Variants in UNC5D observed in about 807,000 individuals in gnomAD.
UNC5D encodes netrin receptor UNC5D.
UNC5D carries 39 observed loss-of-function variants against 105.4 expected under a neutral mutation model. The observed-to-expected ratio is 0.37, with a 90% CI of 0.29 to 0.48. UNC5D has a LOEUF of 0.48. UNC5D is among the 20% of genes least tolerant of loss of function. UNC5D has a pLI of 0.98. For synonymous variants in UNC5D, 452 were observed against 450.4 expected (o/e 1.00, Z -0.04); for missense variants, 991 against 1,202.4 (o/e 0.82, Z 2.60).
At chr8:35,635,418 G>A (rs77678684) in intron 4 of UNC5D, among the ~76,000 whole-genome samples, 2 of 152,150 alleles carry the variant, frequency 1.3e-5, no homozygotes, top group Non-Finnish European at 2.9e-5. Context: ...TGCTTTTCCT[G>A]TCACTTGTCC....
In UNC5D at chr8:35,262,023, G is replaced by A. The variant is rs79700888; in HGVS notation, c.103+26136G>A. ...ATTGACCTGTGCAAATAATACCTCC[G>A]TGGTACAGCACTGAAAATTCTCCAG... On this transcript the variant is annotated intron_variant, in intron 1 of 16. Coordinates refer to ENST00000404895, the MANE Select transcript of UNC5D (RefSeq NM_080872.4). Among the ~76,000 whole-genome samples the A allele has an allele frequency of 2.0e-3, 305 of 152,234 alleles. 12 individuals are homozygous for A. The East Asian group carries it at 0.049, about 24-fold the overall frequency.
rs369582254 is a variant in UNC5D, at chr8:35,243,889, A to G, written c.103+8002A>G. ...TTAAGGCATAAATATTTAGAATAAA[A>G]TTTCAAAAATCTAATCAATACTGTG... On this transcript the variant is annotated intron_variant, in intron 1 of 16. Transcript: ENST00000404895. 3.3e-3 allele frequency among the ~76,000 whole-genome samples: 503 copies of G among 152,312 alleles called. 4 individuals carry two copies. The highest frequency in any genetic ancestry group is 0.012 in the African/African-American group (478 of 41,560).
At chr8:35,377,401 A>C (rs1163210568) in intron 1 of UNC5D, among the ~76,000 whole-genome samples, 1 of 152,106 alleles carries the variant, frequency 6.6e-6, no homozygotes, top group Non-Finnish European at 1.5e-5. Flanking sequence ...CTCTCCTGGA[A>C]AGCACAGCAG....
chr8:35,730,960 T>G (rs771410401), intron 10 of UNC5D, 52 bp from the exon 11 acceptor site: 2 of 1,573,276 alleles, frequency 1.3e-6, no homozygotes, highest in Non-Finnish European at 1.7e-6. Flanking sequence ...GTGACAAACT[T>G]CATGATAATT....
intron 4 of UNC5D, among the ~76,000 whole-genome samples, chr8:35,596,467 G>T (rs892947172): frequency 2.6e-5 from 4 of 152,126 alleles, no homozygotes; most frequent in Admixed American, 2.0e-4. Flanking sequence ...CGTGAAGCCC[G>T]AAAATTTGAG....
chr8:35,266,410 CAGGTATT>C (rs1793187847), intron 1 of UNC5D, among the ~76,000 whole-genome samples: 1 of 152,098 alleles, frequency 6.6e-6, no homozygotes, highest in Non-Finnish European at 1.5e-5. Context: ...TTTGAAGGAA[CAGGTATT>C]AGAACAAACT....
chr8:35,316,930 T>C (rs1323802044), intron 1 of UNC5D, among the ~76,000 whole-genome samples: 1 of 152,146 alleles, frequency 6.6e-6, no homozygotes, highest in East Asian at 1.9e-4. Context: ...CAAGCCAATA[T>C]ATGAAAGAAA....
chr8:35,739,206 G>T (rs1829625616), intron 11 of UNC5D, among the ~76,000 whole-genome samples: 2 of 152,144 alleles, frequency 1.3e-5, no homozygotes, highest in Non-Finnish European at 2.9e-5. Flanking sequence ...TTTAGCTGAA[G>T]ATTGTACTCT....
intron 2 of UNC5D, among the ~76,000 whole-genome samples, chr8:35,566,554 A>G (rs1817351381): frequency 6.6e-6 from 1 of 152,256 alleles, no homozygotes; most frequent in Admixed American, 6.5e-5. Flanking sequence ...TGAATTGTTA[A>G]GAGGCACCTG....
At chr8:35,655,424 T>G (rs1175766082) in intron 4 of UNC5D, among the ~76,000 whole-genome samples, 1 of 152,236 alleles carries the variant, frequency 6.6e-6, no homozygotes, top group Non-Finnish European at 1.5e-5. Context: ...TTAGAGATAA[T>G]GAATGGGCTT....
intron 8 of UNC5D, among the ~76,000 whole-genome samples, chr8:35,716,216 AACTT>A (rs1828241544): frequency 6.6e-6 from 1 of 152,214 alleles, no homozygotes; most frequent in African/African-American, 2.4e-5. Flanking sequence ...CCAAGTTACT[AACTT>A]ACTTGACAAT....
At chr8:35,555,251 A>G (rs993206887) in intron 2 of UNC5D, among the ~76,000 whole-genome samples, 6 of 152,144 alleles carry the variant, frequency 3.9e-5, no homozygotes, top group African/African-American at 1.4e-4. Context: ...CTTCTCAGAG[A>G]AGACTGACAT....
chr8:35,519,734 A>C (rs1813336121), intron 1 of UNC5D, among the ~76,000 whole-genome samples: 1 of 152,128 alleles, frequency 6.6e-6, no homozygotes, highest in South Asian at 2.1e-4. Flanking sequence ...AAATACATGC[A>C]TTGACAAAGG....
chr8:35,284,620 C>A (rs893527846), intron 1 of UNC5D, among the ~76,000 whole-genome samples: 3 of 152,110 alleles, frequency 2.0e-5, no homozygotes, highest in African/African-American at 7.2e-5. Flanking sequence ...AGTGGCACGA[C>A]CTCAGCTCAC....
chr8:35,239,590 AG>A (rs993345430), intron 1 of UNC5D, among the ~76,000 whole-genome samples: 10 of 151,994 alleles, frequency 6.6e-5, no homozygotes, highest in African/African-American at 2.4e-4. Flanking sequence ...CTCTTAAGGA[AG>A]GGGGTGGTGG....
At chr8:35,643,572 G>T (rs548370009) in intron 4 of UNC5D, among the ~76,000 whole-genome samples, 1 of 152,048 alleles carries the variant, frequency 6.6e-6, no homozygotes, top group African/African-American at 2.4e-5. Flanking sequence ...CAGAGACAGC[G>T]TTCCACCATA....
intron 1 of UNC5D, among the ~76,000 whole-genome samples, chr8:35,238,932 T>C (rs1802634274): frequency 1.3e-5 from 2 of 152,330 alleles, no homozygotes; most frequent in South Asian, 4.1e-4. Context: ...GCCACCCTCT[T>C]CCTTCCCACT....
rs762680268 is a variant in UNC5D, at chr8:35,705,950, T to C, written c.1106T>C (p.Ile369Thr). The C allele has an allele frequency of 3.0e-6, 4 of 1,316,382 alleles. No individual in the cohort carries two copies. Among genetic ancestry groups the C allele is most frequent in the Non-Finnish European group, 4.3e-6 (4 of 938,020 alleles). 81.5% of individuals were successfully genotyped at this position (1,316,382 alleles called of 1,614,324 possible). A position where few individuals can be genotyped will look rare whatever the true frequency, so the allele number is the denominator to read the frequency against. Reference sequence around the variant, plus strand: ...TTAGATAAAAAACCTCTTCATGAAATAAAACCCCAAAGTAAGTTATTTTTC... The same window carrying C: ...TTAGATAAAAAACCTCTTCATGAAACAAAACCCCAAAGTAAGTTATTTTTC... Reference protein sequence around the residue: ...CILDKKPLHEIKPQSIENASD... With the variant: ...CILDKKPLHETKPQSIENASD... The change falls in exon 8 of 17, where the codon ATA becomes ACA. Residue 369 changes from isoleucine (I) to threonine (T), a missense_variant. This residue lies in a region of UNC5D where 944 missense variants were observed against 1,131.6 expected (regional missense o/e 0.83). Coordinates refer to ENST00000404895, the MANE Select transcript of UNC5D (RefSeq NM_080872.4).
intron 7 of UNC5D, among the ~76,000 whole-genome samples, chr8:35,690,072 T>C (rs1234528380): frequency 6.6e-6 from 1 of 152,236 alleles, no homozygotes; most frequent in African/African-American, 2.4e-5. Context: ...ATTCAATCTA[T>C]TAATTTCTTC....
Sources: allele counts gnomAD v4.1 joint callset (sites outside exome capture counted in the v4.1 genomes callset), GRCh38; gene constraint gnomAD v4.1.1; regional missense constraint gnomAD v4.1.1; transcripts MANE v1.5; gene names NCBI Gene and HGNC (gene_info 2026-07-23, HGNC 2026-07-21).